VPS13B: variants seen among roughly 807,000 people sequenced by gnomAD.
The protein encoded by VPS13B is intermembrane lipid transfer protein VPS13B.
Under a neutral mutation model 426.4 loss-of-function variants are expected in VPS13B, and 285 were observed. That is an observed-to-expected ratio of 0.67 (90% CI 0.61 to 0.74). The LOEUF (loss-of-function observed/expected upper bound fraction) is 0.74, where lower values mean the gene tolerates loss of function less well. Among genes scored for constraint, VPS13B ranks in the 30% least tolerant of loss-of-function variants. The probability of loss-of-function intolerance (pLI) is 0.00; values close to 1 mark genes in which losing one functional copy is unlikely to be tolerated. For missense variants in VPS13B, 4,537 were observed against 4,782.6 expected, an observed-to-expected ratio of 0.95 and a Z score of 1.51; for synonymous variants, 1,676 against 1,676.4, an observed-to-expected ratio of 1.00 and a Z score of 0.01.
At chr8:99,404,370 A>G (rs1563711261) in intron 21 of VPS13B, among the ~76,000 whole-genome samples, 1 of 152,210 alleles carries the variant, frequency 6.6e-6, no homozygotes. Context: ...TAGTTTCCAG[A>G]TGAAATTCTG....
Position 99,742,858 on chromosome 8 carries a change from C to G in VPS13B, c.7050+21811C>G, listed in dbSNP as rs537978927. Among the ~76,000 whole-genome samples the G allele has an allele frequency of 3.9e-5, 6 of 152,300 alleles. No individual in the cohort carries two copies. The South Asian group carries it at 1.2e-3, about 32-fold the overall frequency. On this transcript the variant is annotated intron_variant, in intron 39 of 61. Coordinates refer to ENST00000357162, the MANE Select transcript of VPS13B (RefSeq NM_152564.5). ...ATAAGAGCTATCTATGACAAACCCA[C>G]AGCCAATATCATACTGAATGGGCAA...
At chr8:99,310,051 G>A (rs923540243) in intron 19 of VPS13B, among the ~76,000 whole-genome samples, 2 of 152,218 alleles carry the variant, frequency 1.3e-5, no homozygotes, top group Non-Finnish European at 2.9e-5. Flanking sequence ...AGACTTTGCT[G>A]AAGTTGCTTA....
At chr8:99,627,742 A>G (rs536162148) in intron 33 of VPS13B, among the ~76,000 whole-genome samples, 12 of 152,318 alleles carry the variant, frequency 7.9e-5, no homozygotes, top group African/African-American at 2.6e-4. Flanking sequence ...ATAAATGTAT[A>G]TAGTTATGAT....
rs187308280 is a variant in VPS13B, at chr8:99,122,402, A to C, written c.1206+957A>C. On this transcript the variant is annotated intron_variant, in intron 8 of 61. Coordinates refer to ENST00000357162, the MANE Select transcript of VPS13B (RefSeq NM_152564.5). ...TCTAGGTTAAAGAATAATAAAGTAAATACCCCTTTACTTGAAGAAATATAA... is the reference window on the plus strand; with the variant it reads ...TCTAGGTTAAAGAATAATAAAGTAACTACCCCTTTACTTGAAGAAATATAA... Among the ~76,000 whole-genome samples, 215 of 152,174 alleles carry C rather than the reference A, an allele frequency of 1.4e-3. 1 individual carries two copies. Among genetic ancestry groups the C allele is most frequent in the Non-Finnish European group, 2.5e-3 (168 of 67,994 alleles).
At chr8:99,182,934 G>C (rs1168918309) in intron 16 of VPS13B, among the ~76,000 whole-genome samples, 1 of 152,004 alleles carries the variant, frequency 6.6e-6, no homozygotes, top group African/African-American at 2.4e-5. Flanking sequence ...ACTGGGTTTC[G>C]GGTTTCATTA....
At chr8:99,460,204 A>G (rs982560313) in intron 23 of VPS13B, among the ~76,000 whole-genome samples, 11 of 151,664 alleles carry the variant, frequency 7.3e-5, no homozygotes, top group African/African-American at 2.7e-4. Flanking sequence ...TGTGCTTTAT[A>G]TCTGTATTTT....
At chr8:99,282,903 TG>T (rs1238231752) in intron 19 of VPS13B, among the ~76,000 whole-genome samples, 12 of 152,142 alleles carry the variant, frequency 7.9e-5, no homozygotes, top group Non-Finnish European at 1.5e-5. Flanking sequence ...CCATCGCACA[TG>T]GGAAACTTTT....
intron 8 of VPS13B, among the ~76,000 whole-genome samples, chr8:99,125,277 T>A (rs1848140212): frequency 6.6e-6 from 1 of 152,126 alleles, no homozygotes; most frequent in Non-Finnish European, 1.5e-5. Context: ...GCTGAAGAAC[T>A]TGGAGTCTGA....
intron 21 of VPS13B, among the ~76,000 whole-genome samples, chr8:99,429,247 T>A (rs534293665): frequency 1.2e-3 from 177 of 151,714 alleles, no homozygotes; most frequent in African/African-American, 3.7e-3. Context: ...AACCTGCACG[T>A]TGTGCACATG....
rs761472480 is a variant in VPS13B at position 99,821,496 on chromosome 8, C to G, written c.9183+14C>G. 7 of 1,613,420 alleles carry G rather than the reference C, an allele frequency of 4.3e-6. No individual in the cohort carries two copies. The South Asian group carries it at 7.7e-5, about 18-fold the overall frequency. On this transcript the variant is annotated intron_variant, in intron 50 of 61. Transcript: ENST00000357162. ...GGACATCAGAAGGTAAGATCAAAGT[C>G]TATGTGGCTGGGAGGAAATAGCATG... is the stretch of plus-strand genomic sequence containing the variant.
chr8:99,560,728 G>C (rs1012214149), intron 31 of VPS13B, among the ~76,000 whole-genome samples: 1 of 152,186 alleles, frequency 6.6e-6, no homozygotes, highest in African/African-American at 2.4e-5. Flanking sequence ...GAGAATCTTG[G>C]TGGCACACCA....
At chr8:99,109,384 C>CTTTTTTT (rs1218412171) in intron 5 of VPS13B, among the ~76,000 whole-genome samples, 1 of 140,876 alleles carries the variant, frequency 7.1e-6, no homozygotes, top group Non-Finnish European at 1.6e-5. Context: ...CTTTTTCTTT[C>CTTTTTTT]TTTCTTTTTT....
intron 20 of VPS13B, among the ~76,000 whole-genome samples, chr8:99,388,637 A>G (rs1028753931): frequency 1.3e-5 from 2 of 152,170 alleles, no homozygotes; most frequent in African/African-American, 4.8e-5. Flanking sequence ...GATGTTTTTG[A>G]CCAAGGTAGC....
At chr8:99,807,031 TA>T (rs553064657) in intron 43 of VPS13B, among the ~76,000 whole-genome samples, 3 of 152,250 alleles carry the variant, frequency 2.0e-5, no homozygotes, top group Non-Finnish European at 4.4e-5. Flanking sequence ...CAATGATATT[TA>T]GATGTTTTTT....
intron 3 of VPS13B, among the ~76,000 whole-genome samples, chr8:99,073,125 C>T (rs1844929810): frequency 6.6e-6 from 1 of 152,158 alleles, no homozygotes; most frequent in South Asian, 2.1e-4. Flanking sequence ...AGGAGCCTCT[C>T]CCTGTGGCCA....
intron 17 of VPS13B, among the ~76,000 whole-genome samples, chr8:99,237,541 G>T (rs1250310726): frequency 6.6e-6 from 1 of 152,032 alleles, no homozygotes; most frequent in Non-Finnish European, 1.5e-5. Context: ...GTGAAAAAAA[G>T]AAATGAATAA....
intron 19 of VPS13B, among the ~76,000 whole-genome samples, chr8:99,362,307 A>AT (rs994210333): frequency 3.3e-5 from 5 of 151,312 alleles, no homozygotes; most frequent in Non-Finnish European, 7.4e-5. Context: ...ACACCTGCTA[A>AT]TTTTTTTTAT....
intron 19 of VPS13B, among the ~76,000 whole-genome samples, chr8:99,298,222 C>T (rs1025054020): frequency 1.8e-4 from 27 of 152,322 alleles, no homozygotes; most frequent in Admixed American, 8.5e-4. Context: ...GGTGCGGTGG[C>T]TTGCGCCTGT....
At chr8:99,501,198 G>A (rs534879789) in intron 25 of VPS13B, among the ~76,000 whole-genome samples, 4 of 152,228 alleles carry the variant, frequency 2.6e-5, no homozygotes, top group African/African-American at 9.6e-5. Flanking sequence ...CTATAGAAGG[G>A]GTAGACAAAT....
Sources: gnomAD v4.1 joint callset for allele counts (sites outside exome capture counted in the v4.1 genomes callset) on GRCh38, gnomAD v4.1.1 for gene constraint, MANE v1.5 for transcripts, NCBI Gene and HGNC (gene_info 2026-07-23, HGNC 2026-07-21) for gene names.